ATP11A: variants seen among roughly 807,000 people sequenced by gnomAD.
ATP11A encodes the protein phospholipid-transporting ATPase IH.
ATP11A carries 81 observed loss-of-function variants against 154.4 expected under a neutral mutation model. That is an observed-to-expected ratio of 0.52 (90% CI 0.44 to 0.63). The LOEUF (loss-of-function observed/expected upper bound fraction) is 0.63, where lower values mean the gene tolerates loss of function less well. Ranked by LOEUF, ATP11A falls within the 30% of genes least tolerant of loss-of-function variation. The pLI, the probability that ATP11A is intolerant of heterozygous loss-of-function variation, is 0.00. For synonymous variants in ATP11A, 623 were observed against 585.9 expected, an observed-to-expected ratio of 1.06 and a Z score of -0.91; for missense variants, 1,316 against 1,474.3, an observed-to-expected ratio of 0.89 and a Z score of 1.76.
intron 1 of ATP11A, among the ~76,000 whole-genome samples, chr13:112,693,368 G>A (rs879448759): frequency 6.6e-6 from 1 of 151,574 alleles, no homozygotes; most frequent in East Asian, 1.9e-4. Context: ...GGTAGTGTAT[G>A]TGCTGTGGGG....
chr13:112,773,334 T>C (rs952039197), intron 1 of ATP11A, among the ~76,000 whole-genome samples: 1 of 152,208 alleles, frequency 6.6e-6, no homozygotes, highest in African/African-American at 2.4e-5. Context: ...TCTGTTTTCA[T>C]GTATTTTAAT....
intron 1 of ATP11A, among the ~76,000 whole-genome samples, chr13:112,724,129 A>T (rs142512707): frequency 3.8e-3 from 54 of 14,304 alleles, no homozygotes; most frequent in Admixed American, 0.026. Flanking sequence ...CTTCTCCCCC[A>T]TCGCCCCCTT....
intron 1 of ATP11A, among the ~76,000 whole-genome samples, chr13:112,714,114 C>G (rs12017116): frequency 5.3e-5 from 1 of 18,968 alleles, no homozygotes; most frequent in African/African-American, 2.2e-4. Context: ...CCACTCCCCG[C>G]ACCCCTGATC....
intron 8 of ATP11A, 87 bp from the exon 9 acceptor site, chr13:112,823,258 C>A: frequency 1.1e-6 from 1 of 950,616 alleles, no homozygotes; most frequent in Non-Finnish European, 1.7e-6. Flanking sequence ...GCTGAGCAAA[C>A]AAGTGGGTTT....
At chr13:112,818,080 C>T (rs974035972) in intron 6 of ATP11A, among the ~76,000 whole-genome samples, 28 of 152,226 alleles carry the variant, frequency 1.8e-4, no homozygotes, top group Admixed American at 9.2e-4. Flanking sequence ...TGCTTGGTGA[C>T]GGGGCAGTGA....
chr13:112,836,033 C>A, intron 15 of ATP11A, 145 bp from the exon 16 acceptor site: 1 of 537,542 alleles, frequency 1.9e-6, no homozygotes, highest in Non-Finnish European at 3.3e-6. Flanking sequence ...TGGGAGGACA[C>A]CCCTCACCCA....
At chr13:112,860,516 C>T (rs1487092774) in intron 24 of ATP11A, 102 bp downstream of exon 24, 1 of 1,389,518 alleles carries the variant, frequency 7.2e-7, no homozygotes, top group Non-Finnish European at 9.9e-7. Context: ...AGTTGAGGGC[C>T]AGAAGCATTC....
Position 112,697,157 on chromosome 13 carries a change from C to T in ATP11A, c.39+6702C>T, listed in dbSNP as rs987140176. 6.6e-5 allele frequency among the ~76,000 whole-genome samples: 10 copies of T among 152,164 alleles called. No individual in the cohort carries two copies. Among genetic ancestry groups the T allele is most frequent in the African/African-American group, 2.2e-4 (9 of 41,436 alleles). On this transcript the variant is annotated intron_variant, in intron 1 of 29. Coordinates refer to ENST00000375645, the MANE Select transcript of ATP11A (RefSeq NM_015205.3). This position sits in a 1 kb window ranked among gnomAD's most constrained non-coding sequence, Gnocchi z 4.0. ...CCTGGGGCCTTCCGTGGGCTGCTTC[C>T]TGTGGCGTCCTGCGGGCTGGCCGCC...
intron 1 of ATP11A, among the ~76,000 whole-genome samples, chr13:112,736,691 T>C (rs1483684772): frequency 6.6e-6 from 1 of 152,196 alleles, no homozygotes; most frequent in Non-Finnish European, 1.5e-5. Flanking sequence ...TGGAAATCTG[T>C]CCCCTAGTGG....
Position 112,755,810 on chromosome 13 carries a change from G to A in ATP11A, c.40-29325G>A, listed in dbSNP as rs915268268. On this transcript the variant is annotated intron_variant, in intron 1 of 29. Coordinates refer to ENST00000375645, the MANE Select transcript of ATP11A (RefSeq NM_015205.3). The stretch of plus-strand genomic sequence containing the variant: ...GAAGCGGCACTCAGAGCGGCTCCCA[G>A]AACCATTTCCCGTCACGGAAGCGGC... Among the ~76,000 whole-genome samples, 42 of 127,300 alleles carry A rather than the reference G, an allele frequency of 3.3e-4. 1 individual carries two copies. Among genetic ancestry groups the A allele is most frequent in the African/African-American group, 9.9e-4 (28 of 28,324 alleles). The allele number at this position is 127,300 out of a possible 152,430, so 83.5% of individuals were successfully genotyped here. A position where few individuals can be genotyped will look rare whatever the true frequency, so the allele number is the denominator to read the frequency against.
intron 29 of ATP11A, chr13:112,880,584 G>A: frequency 7.7e-7 from 1 of 1,300,836 alleles, no homozygotes; most frequent in Non-Finnish European, 1.0e-6. Flanking sequence ...AGGCCGCACA[G>A]AGCAGCGATG....
chr13:112,812,874 G>T (rs1389043953), intron 5 of ATP11A, among the ~76,000 whole-genome samples: 1 of 152,190 alleles, frequency 6.6e-6, no homozygotes, highest in East Asian at 1.9e-4. Context: ...GTGTCAGCAG[G>T]CATCCGGTCC....
chr13:112,834,779 C>T (rs1428679827), intron 15 of ATP11A, 119 bp downstream of exon 15: 34 of 775,544 alleles, frequency 4.4e-5, no homozygotes, highest in East Asian at 2.1e-4. Flanking sequence ...TTCGCTTCCT[C>T]TCCTTCCCAG....
In ATP11A at chr13:112,718,834, CTAA is replaced by C. The variant is rs1888814668; in HGVS notation, c.39+28381_39+28383del. Reference sequence around the variant, plus strand: ...TACAGTTGCACGCCAACACTCCCAGCTAATTTTTTTTTCTTTTGTATTTTTAGT... The same window carrying C: ...TACAGTTGCACGCCAACACTCCCAGCTTTTTTTTTCTTTTGTATTTTTAGT... On this transcript the variant is annotated intron_variant, in intron 1 of 29. Transcript: ENST00000375645. Among the ~76,000 whole-genome samples, 5 of 152,124 alleles carry C rather than the reference CTAA, an allele frequency of 3.3e-5. No individual in the cohort carries two copies. The South Asian group carries it at 1.0e-3, about 32-fold the overall frequency.
intron 25 of ATP11A, among the ~76,000 whole-genome samples, chr13:112,871,103 C>G (rs1329599005): frequency 1.3e-5 from 2 of 152,182 alleles, no homozygotes; most frequent in Non-Finnish European, 2.9e-5. Context: ...AGGGAGGTTC[C>G]CCGAGGGAAG....
intron 2 of ATP11A, among the ~76,000 whole-genome samples, chr13:112,797,406 C>T (rs431106): frequency 4.6e-5 from 7 of 151,650 alleles, no homozygotes; most frequent in Non-Finnish European, 7.4e-5. Context: ...GCCAAACTAC[C>T]GATCCAGGAA....
At position 112,864,108 on chromosome 13, in the gene ATP11A, C is replaced by A. The variant is rs71446659; in HGVS notation, c.2991+1533C>A. Among the ~76,000 whole-genome samples the A allele has an allele frequency of 2.9e-3, 149 of 50,750 alleles. 1 individual carries two copies. Among genetic ancestry groups the A allele is most frequent in the African/African-American group, 7.4e-3 (98 of 13,206 alleles). 33.3% of individuals were successfully genotyped at this position (50,750 alleles called of 152,430 possible). A position where few individuals can be genotyped will look rare whatever the true frequency, so the allele number is the denominator to read the frequency against. ...GCTTCTCAGCGGGGTCCATCACCACCTGCGCAGTAATTCAGTGCAGCACGT... is the reference window on the plus strand; with the variant it reads ...GCTTCTCAGCGGGGTCCATCACCACATGCGCAGTAATTCAGTGCAGCACGT... On this transcript the variant is annotated intron_variant, in intron 25 of 29. Coordinates refer to ENST00000375645, the MANE Select transcript of ATP11A (RefSeq NM_015205.3).
chr13:112,826,687 C>T lies in ATP11A; in HGVS notation c.1024-7C>T, dbSNP rs1294174325. On this transcript the variant is annotated splice_region_variant and splice_polypyrimidine_tract_variant and intron_variant, in intron 11 of 29. Coordinates refer to ENST00000375645, the MANE Select transcript of ATP11A (RefSeq NM_015205.3). ...GAGGTGCTGACCCGCACCTTCTGCTCTTGCAGTTCCTCAAGGCATTCACGG... is the reference window on the plus strand; with the variant it reads ...GAGGTGCTGACCCGCACCTTCTGCTTTTGCAGTTCCTCAAGGCATTCACGG... The T allele has an allele frequency of 2.5e-6, 4 of 1,613,942 alleles. No individual in the cohort carries two copies. The highest frequency in any genetic ancestry group is 1.1e-5 in the South Asian group (1 of 91,062).
chr13:112,700,584 C>T (rs1366104754), intron 1 of ATP11A, among the ~76,000 whole-genome samples: 2 of 152,244 alleles, frequency 1.3e-5, no homozygotes, highest in East Asian at 1.9e-4. Flanking sequence ...TTCTCCCCGG[C>T]GTGGTCTGCA....
Sources: allele counts gnomAD v4.1 joint callset (sites outside exome capture counted in the v4.1 genomes callset), GRCh38; gene constraint gnomAD v4.1.1; non-coding constraint Gnocchi (gnomAD v3.1); transcripts MANE v1.5; gene names NCBI Gene and HGNC (gene_info 2026-07-23, HGNC 2026-07-21).